CLDN5: variants seen among roughly 807,000 people sequenced by gnomAD.
CLDN5 encodes the protein claudin 5.
Under a neutral mutation model 1.3 loss-of-function variants are expected in CLDN5, and 4 were observed. The observed-to-expected ratio is 3.07, with a 90% CI of 1.51 to 7.03. CLDN5 has a LOEUF of 7.03. Ranked by LOEUF, CLDN5 falls within the 30% of genes most tolerant of loss-of-function variation. The pLI, the probability that CLDN5 is intolerant of heterozygous loss-of-function variation, is 0.00. For synonymous variants in CLDN5, 156 were observed against 152.3 expected, an observed-to-expected ratio of 1.02 and a Z score of -0.18; for missense variants, 225 against 303.5, an observed-to-expected ratio of 0.74 and a Z score of 1.92.
In CLDN5 at chr22:19,523,532, C is replaced by G. The variant is rs756654; in HGVS notation, c.*67G>C. The G allele has an allele frequency of 2.7e-6, 4 of 1,485,156 alleles. No homozygotes were observed. The South Asian group carries it at 5.5e-5, about 20-fold the overall frequency. The allele number at this position is 1,485,156 out of a possible 1,614,324, so 92.0% of individuals were successfully genotyped here. ...GGCGGAAGCCGCGGTCCATGCGGGG[C>G]TCCCCAGGCTTATCCAACGCCTCGC... On this transcript the variant is annotated 3_prime_UTR_variant, in exon 1 of 1. Coordinates refer to ENST00000618236, the MANE Select transcript of CLDN5 (RefSeq NM_001363066.2).
rs757328212 is a variant in CLDN5 at position 19,523,980 on chromosome 22, G to A, written c.276C>T (p.Phe92=). The A allele has an allele frequency of 5.7e-6, 9 of 1,588,388 alleles. No homozygotes were observed. Among genetic ancestry groups the A allele is most frequent in the South Asian group, 5.6e-5 (5 of 89,748 alleles). ...ALTVSAVLLA[F]VALFVTLAGA... The stretch of plus-strand genomic sequence containing the variant: ...CCGCCAGGGTCACGAAGAGCGCAAC[G>A]AACGCCAGCAGCACGGCGCTCACGG... Residue 92 remains phenylalanine (F), a synonymous_variant, in exon 1 of 1, where the codon TTC becomes TTT. Coordinates refer to ENST00000618236, the MANE Select transcript of CLDN5 (RefSeq NM_001363066.2).
At position 19,523,402 on chromosome 22, in the gene CLDN5, T is replaced by C; in HGVS notation, c.*197A>G. On this transcript the variant is annotated 3_prime_UTR_variant, in exon 1 of 1. Transcript: ENST00000618236. ...CCGTCTGTTAAGGGCAGGGCCGGGC[T>C]AGTGGCAGGAGAAGGTCAGCTGCGG... 2 of 669,022 alleles carry C rather than the reference T, an allele frequency of 3.0e-6. No individual in the cohort carries two copies. Among genetic ancestry groups the C allele is most frequent in the South Asian group, 4.3e-5 (2 of 46,840 alleles). The allele number at this position is 669,022 out of a possible 1,614,324, so 41.4% of individuals were successfully genotyped here. A position where few individuals can be genotyped will look rare whatever the true frequency, so the allele number is the denominator to read the frequency against.
Position 19,524,400 on chromosome 22 carries a change from C to T in CLDN5, c.-145G>A. The stretch of plus-strand genomic sequence containing the variant: ...TTGCCCCGCGGGTCTGTCGCACCTC[C>T]TGGGTCTGCCAGCTCCTGCCGGGGG... On this transcript the variant is annotated 5_prime_UTR_variant, in exon 1 of 1. Coordinates refer to ENST00000618236, the MANE Select transcript of CLDN5 (RefSeq NM_001363066.2). The T allele has an allele frequency of 6.9e-7, 1 of 1,458,322 alleles. No homozygotes were observed. Among genetic ancestry groups the T allele is most frequent in the Non-Finnish European group, 9.1e-7 (1 of 1,104,516 alleles). The allele number at this position is 1,458,322 out of a possible 1,614,324, so 90.3% of individuals were successfully genotyped here.
upstream of CLDN5, chr22:19,524,765 A>C: frequency 2.2e-5 from 27 of 1,232,374 alleles, no homozygotes; most frequent in East Asian, 6.7e-5. Flanking sequence ...CCACTCCCAC[A>C]TCCCCGACTG....
rs1191105059 is a variant in CLDN5 at position 19,523,506 on chromosome 22, C to G, written c.*93G>C. The G allele has an allele frequency of 4.8e-6, 7 of 1,456,048 alleles. No individual in the cohort carries two copies. Among genetic ancestry groups the G allele is most frequent in the Non-Finnish European group, 6.3e-6 (7 of 1,110,130 alleles). 90.2% of individuals were successfully genotyped at this position (1,456,048 alleles called of 1,614,324 possible). On this transcript the variant is annotated 3_prime_UTR_variant, in exon 1 of 1. Coordinates refer to ENST00000618236, the MANE Select transcript of CLDN5 (RefSeq NM_001363066.2). ...CGAGGAGCCTGCGCGCCGCGCTACC[C>G]GGCGGAAGCCGCGGTCCATGCGGGG...
rs746659624 is a variant in CLDN5 at position 19,523,218 on chromosome 22, C to G, written c.*381G>C. Reference sequence around the variant, plus strand: ...AGCTGTACACATCTTCCGGTGGGGGCCCTGGGCTCTGCATCCGCCCCTCCG... The same window carrying G: ...AGCTGTACACATCTTCCGGTGGGGGGCCTGGGCTCTGCATCCGCCCCTCCG... On this transcript the variant is annotated 3_prime_UTR_variant, in exon 1 of 1. Coordinates refer to ENST00000618236, the MANE Select transcript of CLDN5 (RefSeq NM_001363066.2). The G allele has an allele frequency of 1.4e-4, 30 of 220,118 alleles. No homozygotes were observed. The highest frequency in any genetic ancestry group is 2.5e-4 in the Non-Finnish European group (28 of 114,270). 13.6% of individuals were successfully genotyped at this position (220,118 alleles called of 1,614,324 possible).
At chr22:19,524,506 G>C, upstream of CLDN5, 3 of 1,417,234 alleles carry the variant, frequency 2.1e-6, no homozygotes, top group Non-Finnish European at 2.8e-6. Context: ...CCGTGCGCGG[G>C]TCATCGTGCC....
In CLDN5 at chr22:19,523,598, C is replaced by T. The variant is rs774602204; in HGVS notation, c.*1G>A. 24 of 1,580,308 alleles carry T rather than the reference C, an allele frequency of 1.5e-5. No individual in the cohort carries two copies. The highest frequency in any genetic ancestry group is 1.8e-5 in the Non-Finnish European group (21 of 1,165,928). ...GAGGGGCCCGGCCGTGCCCAGCGCC[C>T]TCAGACGTAGTTCTTCTTGTCGTAG... On this transcript the variant is annotated 3_prime_UTR_variant, in exon 1 of 1. Coordinates refer to ENST00000618236, the MANE Select transcript of CLDN5 (RefSeq NM_001363066.2).
In CLDN5 at chr22:19,523,380, T is replaced by G; in HGVS notation, c.*219A>C. The G allele has an allele frequency of 1.7e-6, 1 of 574,000 alleles. No homozygotes were observed. The highest frequency in any genetic ancestry group is 2.6e-5 in the South Asian group (1 of 37,968). The allele number at this position is 574,000 out of a possible 1,614,324, so 35.6% of individuals were successfully genotyped here. A position where few individuals can be genotyped will look rare whatever the true frequency, so the allele number is the denominator to read the frequency against. ...GCACAGAAAAGGAAACTTCATTCCG[T>G]CTGTTAAGGGCAGGGCCGGGCTAGT... On this transcript the variant is annotated 3_prime_UTR_variant, in exon 1 of 1. Transcript: ENST00000618236.
upstream of CLDN5, chr22:19,525,321 CT>C: frequency 2.0e-6 from 2 of 999,024 alleles, no homozygotes; most frequent in Non-Finnish European, 2.4e-6. Context: ...CTGCTCTGGC[CT>C]TCAGACAGGA....
At chr22:19,525,311 C>G, upstream of CLDN5, 1 of 999,250 alleles carries the variant, frequency 1.0e-6, no homozygotes. Flanking sequence ...GCCTAGCAGC[C>G]TGCTCTGGCC....
rs1202017889 is a variant in CLDN5 at position 19,523,979 on chromosome 22, C to T, written c.277G>A (p.Val93Ile). The change falls in exon 1 of 1, where the codon GTT becomes ATT. Residue 93 changes from valine (V) to isoleucine (I), a missense_variant. Val to Ile is a conservative substitution (Grantham distance 29). Around this residue, in one of 3 missense-constraint regions of CLDN5, gnomAD observed 165 missense variants for 211.9 expected, o/e 0.78. Transcript: ENST00000618236. Reference sequence around the variant, plus strand: ...CCCGCCAGGGTCACGAAGAGCGCAACGAACGCCAGCAGCACGGCGCTCACG... The same window carrying T: ...CCCGCCAGGGTCACGAAGAGCGCAATGAACGCCAGCAGCACGGCGCTCACG... ...LTVSAVLLAF[V>I]ALFVTLAGAQ... is the part of the protein sequence containing the mutation. 1 of 1,588,220 alleles carries T rather than the reference C, an allele frequency of 6.3e-7. No individual in the cohort carries two copies. Among genetic ancestry groups the T allele is most frequent in the East Asian group, 2.3e-5 (1 of 44,144 alleles).
In CLDN5 at chr22:19,523,238, C is replaced by T. The variant is rs911098297; in HGVS notation, c.*361G>A. On this transcript the variant is annotated 3_prime_UTR_variant, in exon 1 of 1. Transcript: ENST00000618236. ...GGGGGCCCTGGGCTCTGCATCCGCCCCTCCGAAGTCAGCAGGAGCCTCTGG... is the reference window on the plus strand; with the variant it reads ...GGGGGCCCTGGGCTCTGCATCCGCCTCTCCGAAGTCAGCAGGAGCCTCTGG... 1.6e-5 allele frequency: 4 copies of T among 245,622 alleles called. No individual in the cohort carries two copies. Among genetic ancestry groups the T allele is most frequent in the Non-Finnish European group, 3.1e-5 (4 of 130,092 alleles). The allele number at this position is 245,622 out of a possible 1,614,324, so 15.2% of individuals were successfully genotyped here.
Position 19,524,163 on chromosome 22 carries a change from C to T in CLDN5, c.93G>A (p.Gln31=), listed in dbSNP as rs1431855597. The T allele has an allele frequency of 2.5e-6, 4 of 1,611,218 alleles. No homozygotes were observed. The highest frequency in any genetic ancestry group is 3.4e-6 in the Non-Finnish European group (4 of 1,179,622). ...LILACGLPMW[Q]VTAFLDHNIV... ...TGTTGTGGTCCAGGAAGGCGGTCAC[C>T]TGCCACATGGGCAGCCCGCACGCCA... The change falls in exon 1 of 1, where the codon CAG becomes CAA. Residue 31 remains glutamine (Q), a synonymous_variant. Transcript: ENST00000618236.
At chr22:19,524,595 C>G, upstream of CLDN5, 1 of 1,333,694 alleles carries the variant, frequency 7.5e-7, no homozygotes, top group Non-Finnish European at 9.6e-7. Flanking sequence ...CGCGGGACCG[C>G]TCCCCGCCCG....
Position 19,523,385 on chromosome 22 carries a change from T to C in CLDN5, c.*214A>G. 1 of 604,250 alleles carries C rather than the reference T, an allele frequency of 1.7e-6. No homozygotes were observed. Among genetic ancestry groups the C allele is most frequent in the South Asian group, 2.4e-5 (1 of 42,494 alleles). 37.4% of individuals were successfully genotyped at this position (604,250 alleles called of 1,614,324 possible). On this transcript the variant is annotated 3_prime_UTR_variant, in exon 1 of 1. Coordinates refer to ENST00000618236, the MANE Select transcript of CLDN5 (RefSeq NM_001363066.2). Reference sequence around the variant, plus strand: ...GAAAAGGAAACTTCATTCCGTCTGTTAAGGGCAGGGCCGGGCTAGTGGCAG... The same window carrying C: ...GAAAAGGAAACTTCATTCCGTCTGTCAAGGGCAGGGCCGGGCTAGTGGCAG...
rs11551255 is a variant in CLDN5, at chr22:19,523,929, G to T, written c.327C>A (p.Ala109=). Residue 109 remains alanine, a synonymous_variant, in exon 1 of 1, where the codon GCC becomes GCA. Coordinates refer to ENST00000618236, the MANE Select transcript of CLDN5 (RefSeq NM_001363066.2). ...CCACACGCGCCTTGGCCGGGCCCGG[G>T]GCCACGCAGGTGGTGCACTGCGCGC... ...LAGAQCTTCV[A]PGPAKARVAL... 6.3e-7 allele frequency: 1 copy of T among 1,596,058 alleles called. No homozygotes were observed. The highest frequency in any genetic ancestry group is 8.5e-7 in the Non-Finnish European group (1 of 1,175,328).
At chr22:19,524,545 G>A (rs1467900102), upstream of CLDN5, 1 of 1,391,252 alleles carries the variant, frequency 7.2e-7, no homozygotes, top group Non-Finnish European at 9.3e-7. Flanking sequence ...TCTGGCAGCT[G>A]AAGTTAGGGA....
chr22:19,524,244 T>A lies in CLDN5; in HGVS notation c.12A>T (p.Ala4=). ...GCACCAGGCCCAGGATCTCCAACGC[T>A]GCGGACCCCATGGCTAGAGGCGAGA... The part of the protein sequence containing the change: MGS[A]ALEILGLVLC... The change falls in exon 1 of 1, where the codon GCA becomes GCT. Residue 4 remains alanine, a synonymous_variant. Coordinates refer to ENST00000618236, the MANE Select transcript of CLDN5 (RefSeq NM_001363066.2). 1 of 1,582,052 alleles carries A rather than the reference T, an allele frequency of 6.3e-7. No individual in the cohort carries two copies. The highest frequency in any genetic ancestry group is 8.6e-7 in the Non-Finnish European group (1 of 1,164,550).
Sources: allele counts gnomAD v4.1 joint callset, GRCh38; gene constraint gnomAD v4.1.1; regional missense constraint gnomAD v4.1.1; transcripts MANE v1.5; gene names NCBI Gene and HGNC (gene_info 2026-07-23, HGNC 2026-07-21).